The following FNBP1 variants were observed in gnomAD, a reference collection of about 807,000 sequenced individuals.
FNBP1 encodes formin binding protein 1.
A neutral mutation model predicts 90.6 loss-of-function variants in FNBP1; 26 were observed. The observed-to-expected ratio is 0.29, with a 90% CI of 0.21 to 0.40. The LOEUF (loss-of-function observed/expected upper bound fraction) is 0.40. FNBP1 is among the 10% of genes least tolerant of loss of function. The pLI is 1.00. For synonymous variants in FNBP1, 260 were observed against 265.2 expected (o/e 0.98, Z 0.19); for missense variants, 635 against 768.0 (o/e 0.83, Z 2.05).
At chr9:129,975,431 C>T (rs1459199892) in intron 4 of FNBP1, among the ~76,000 whole-genome samples, 2 of 152,162 alleles carry the variant, frequency 1.3e-5, no homozygotes, top group African/African-American at 4.8e-5. Flanking sequence ...ATAAAAGGAA[C>T]ACTATGTATT....
chr9:129,941,946 C>T (rs1049977537), intron 6 of FNBP1, among the ~76,000 whole-genome samples: 8 of 151,906 alleles, frequency 5.3e-5, no homozygotes, highest in African/African-American at 1.9e-4. Flanking sequence ...TGGCAGGCAC[C>T]TATAATCCCA....
Position 129,903,647 on chromosome 9 carries a change from A to C in FNBP1, c.1296-646T>G, listed in dbSNP as rs531475364. 2.0e-5 allele frequency among the ~76,000 whole-genome samples: 3 copies of C among 152,242 alleles called. No homozygotes were observed. The East Asian group carries it at 5.8e-4, about 29-fold the overall frequency. ...AATAAATAAAAGCCAATACTTTAAAAATTTTTAATTAATTAATTTATTTTT... is the reference window on the plus strand; with the variant it reads ...AATAAATAAAAGCCAATACTTTAAACATTTTTAATTAATTAATTTATTTTT... On this transcript the variant is annotated intron_variant, in intron 12 of 16. Coordinates refer to ENST00000446176, the MANE Select transcript of FNBP1 (RefSeq NM_015033.3).
chr9:129,918,200 CCAAATTCTCAGA>C (rs1170406290), intron 10 of FNBP1, among the ~76,000 whole-genome samples: 1 of 152,090 alleles, frequency 6.6e-6, no homozygotes, highest in African/African-American at 2.4e-5. Flanking sequence ...ATAGGAAATA[CCAAATTCTCAGA>C]CAAATTCGAC....
At chr9:130,019,127 C>G (rs182676815) in intron 1 of FNBP1, among the ~76,000 whole-genome samples, 2 of 151,826 alleles carry the variant, frequency 1.3e-5, no homozygotes, top group East Asian at 3.9e-4. Flanking sequence ...CTCAGGAGGC[C>G]GAGGTGGGAG....
chr9:129,914,755 G>GTGTGTGTATA (rs71499203), intron 11 of FNBP1, among the ~76,000 whole-genome samples: 32 of 98,434 alleles, frequency 3.3e-4, no homozygotes, highest in Admixed American at 7.2e-4. Context: ...ACATACATAT[G>GTGTGTGTATA]TCTATATATA....
intron 4 of FNBP1, among the ~76,000 whole-genome samples, chr9:129,965,218 CAAACCAG>C (rs1276201183): frequency 6.6e-6 from 1 of 152,234 alleles, no homozygotes; most frequent in Non-Finnish European, 1.5e-5. Flanking sequence ...ACTTAAAACC[CAAACCAG>C]AAACCAGAAA....
intron 1 of FNBP1, among the ~76,000 whole-genome samples, chr9:129,996,158 G>A (rs964857356): frequency 6.6e-6 from 1 of 152,174 alleles, no homozygotes; most frequent in Non-Finnish European, 1.5e-5. Context: ...GTTTTGACAT[G>A]TTGAATGAGG....
In FNBP1 at chr9:129,972,601, C is replaced by T. The variant is rs1413577303; in HGVS notation, c.345+5864G>A. Among the ~76,000 whole-genome samples, 7 of 149,310 alleles carry T rather than the reference C, an allele frequency of 4.7e-5. No homozygotes were observed. In the South Asian group the frequency reaches 8.7e-4, roughly 18 times the overall value. On this transcript the variant is annotated intron_variant, in intron 4 of 16. Transcript: ENST00000446176. Reference sequence around the variant, plus strand: ...GGCTAAAGTGCAATGGCATGATCTCCGCTCACAGCAACCTCTGCCTCCCAG... The same window carrying T: ...GGCTAAAGTGCAATGGCATGATCTCTGCTCACAGCAACCTCTGCCTCCCAG...
intron 1 of FNBP1, among the ~76,000 whole-genome samples, chr9:130,024,493 G>A (rs2058151026): frequency 6.6e-6 from 1 of 152,098 alleles, no homozygotes; most frequent in Admixed American, 6.6e-5. Context: ...GAGAGTATCT[G>A]TTGCCCACTC....
intron 13 of FNBP1, among the ~76,000 whole-genome samples, chr9:129,901,788 T>A (rs1217192158): frequency 6.6e-6 from 1 of 152,180 alleles, no homozygotes; most frequent in Non-Finnish European, 1.5e-5. Flanking sequence ...GGTACACACC[T>A]GTAGTCCCAG....
intron 1 of FNBP1, among the ~76,000 whole-genome samples, chr9:130,029,030 T>A (rs1307898531): frequency 6.6e-6 from 1 of 152,248 alleles, no homozygotes; most frequent in Non-Finnish European, 1.5e-5. Flanking sequence ...CATTTATCAT[T>A]ATCTGACACA....
At chr9:129,893,940 T>TA (rs1393336894) in intron 16 of FNBP1, among the ~76,000 whole-genome samples, 1 of 150,296 alleles carries the variant, frequency 6.7e-6, no homozygotes, top group Non-Finnish European at 1.5e-5. Flanking sequence ...AAAAGTTTTT[T>TA]AAAAAATCAG....
At chr9:129,948,565 G>A (rs947946501) in intron 6 of FNBP1, among the ~76,000 whole-genome samples, 5 of 147,722 alleles carry the variant, frequency 3.4e-5, no homozygotes, top group African/African-American at 7.5e-5. Context: ...TTTTCAAGAC[G>A]GAGTTTTGCT....
At chr9:129,893,835 G>T (rs892438733) in intron 16 of FNBP1, among the ~76,000 whole-genome samples, 1 of 145,776 alleles carries the variant, frequency 6.9e-6, no homozygotes, top group Non-Finnish European at 1.5e-5. Flanking sequence ...AGAATCGCTT[G>T]AACTCAGGAG....
chr9:130,014,199 G>T (rs888307457), intron 1 of FNBP1, among the ~76,000 whole-genome samples: 1 of 151,790 alleles, frequency 6.6e-6, no homozygotes, highest in African/African-American at 2.4e-5. Flanking sequence ...TCAGGGAGGG[G>T]CCAGCAGGAG....
intron 10 of FNBP1, 79 bp downstream of exon 10, chr9:129,923,765 C>A: frequency 7.3e-7 from 1 of 1,376,408 alleles, no homozygotes; most frequent in Non-Finnish European, 9.5e-7. Flanking sequence ...TGGATTCATT[C>A]ACAAACAAAA....
At chr9:129,969,847 G>T (rs545534363) in intron 4 of FNBP1, among the ~76,000 whole-genome samples, 1 of 149,076 alleles carries the variant, frequency 6.7e-6, no homozygotes, top group South Asian at 2.1e-4. Flanking sequence ...GGAGAATCAA[G>T]AAGAATATAA....
intron 1 of FNBP1, chr9:130,013,825 G>T: frequency 2.3e-6 from 1 of 442,934 alleles, no homozygotes; most frequent in Non-Finnish European, 4.5e-6. Context: ...GTTATTTCAA[G>T]AGTGGGCTTG....
the FNBP1 span, among the ~76,000 whole-genome samples, chr9:130,049,714 A>C: frequency 6.6e-6 from 1 of 152,182 alleles, no homozygotes; most frequent in South Asian, 2.1e-4. Context: ...AAAAAATAAA[A>C]ATAAAAATAA....
Sources: gnomAD v4.1 joint callset for allele counts (sites outside exome capture counted in the v4.1 genomes callset) on GRCh38, gnomAD v4.1.1 for gene constraint, MANE v1.5 for transcripts, NCBI Gene and HGNC (gene_info 2026-07-23, HGNC 2026-07-21) for gene names.